The following ASXL1 variants were observed in gnomAD, a reference collection of about 807,000 sequenced individuals.
ASXL1 encodes the protein ASXL transcriptional regulator 1.
ASXL1 carries 65 observed loss-of-function variants against 89.1 expected under a neutral mutation model. The observed-to-expected ratio is 0.73, with a 90% CI of 0.60 to 0.90. The LOEUF (loss-of-function observed/expected upper bound fraction) is 0.90, where lower values mean the gene tolerates loss of function less well. ASXL1 is among the 40% of genes least tolerant of loss of function. The pLI, the probability that ASXL1 is intolerant of heterozygous loss-of-function variation, is 0.00. For synonymous variants in ASXL1, 739 were observed against 746.9 expected (o/e 0.99, Z 0.17); for missense variants, 1,786 against 1,942.9 (o/e 0.92, Z 1.52).
Position 32,435,187 on chromosome 20 carries a change from A to G in ASXL1, c.2475A>G (p.Lys825=), listed in dbSNP as rs768237627. Residue 825 remains lysine (K), a synonymous_variant, in exon 13 of 13, where the codon AAA becomes AAG. Coordinates refer to ENST00000375687, the MANE Select transcript of ASXL1 (RefSeq NM_015338.6). The part of the protein sequence containing the change: ...PSLVGDDTLE[K]GTGQALDSHP... ...TAGTGGGAGATGATACATTAGAGAAAGGAACTGGCCAAGCTCTTGACAGTC... is the reference window on the plus strand; with the variant it reads ...TAGTGGGAGATGATACATTAGAGAAGGGAACTGGCCAAGCTCTTGACAGTC... The G allele has an allele frequency of 1.4e-5, 23 of 1,613,828 alleles. No individual in the cohort carries two copies. Among genetic ancestry groups the G allele is most frequent in the African/African-American group, 1.1e-4 (8 of 74,926 alleles).
chr20:32,378,064 A>C (rs1327274149), intron 4 of ASXL1, among the ~76,000 whole-genome samples: 1 of 143,140 alleles, frequency 7.0e-6, no homozygotes, highest in East Asian at 2.1e-4. Flanking sequence ...ATCACAGCTC[A>C]CTGCAACCTT....
At chr20:32,411,299 C>G (rs1311152974) in intron 4 of ASXL1, among the ~76,000 whole-genome samples, 5 of 136,634 alleles carry the variant, frequency 3.7e-5, no homozygotes, top group African/African-American at 1.4e-4. Context: ...ACAATCTCGG[C>G]TCACTGCAAC....
chr20:32,377,293 AT>A (rs2048403347), intron 4 of ASXL1, among the ~76,000 whole-genome samples: 1 of 150,338 alleles, frequency 6.7e-6, no homozygotes, highest in African/African-American at 2.4e-5. Flanking sequence ...CCAGAATTAT[AT>A]TTTATCTACG....
Position 32,433,003 on chromosome 20 carries a change from A to G in ASXL1, c.1085+18A>G, listed in dbSNP as rs377152924. 3.1e-6 allele frequency: 5 copies of G among 1,613,134 alleles called. No individual in the cohort carries two copies. In the African/African-American group the frequency reaches 6.7e-5, roughly 22 times the overall value. ...GGACAGAAGTAAGGCAGTTGGAGCTATGAGTCCTGGTCTGGGGTTTTGAGG... is the reference window on the plus strand; with the variant it reads ...GGACAGAAGTAAGGCAGTTGGAGCTGTGAGTCCTGGTCTGGGGTTTTGAGG... On this transcript the variant is annotated intron_variant, in intron 11 of 12. Coordinates refer to ENST00000375687, the MANE Select transcript of ASXL1 (RefSeq NM_015338.6).
At chr20:32,363,334 C>G (rs2048153118) in intron 1 of ASXL1, among the ~76,000 whole-genome samples, 1 of 152,140 alleles carries the variant, frequency 6.6e-6, no homozygotes, top group Non-Finnish European at 1.5e-5. Context: ...TTATCTGTGG[C>G]AGTGAACATT....
At position 32,431,370 on chromosome 20, in the gene ASXL1, G is replaced by A. The variant is rs751296108; in HGVS notation, c.768G>A (p.Gly256=). ...AAGAAATAGATTTTGAGACACCTGG[G>A]TCCATTCTTGTCAACACCAACCTCC... The part of the protein sequence containing the change: ...RGEEIDFETP[G]SILVNTNLRA... Residue 256 remains glycine (G), a synonymous_variant, in exon 9 of 13, where the codon GGG becomes GGA. Transcript: ENST00000375687. 5 of 1,614,140 alleles carry A rather than the reference G, an allele frequency of 3.1e-6. No homozygotes were observed. The highest frequency in any genetic ancestry group is 4.2e-6 in the Non-Finnish European group (5 of 1,180,020).
intron 4 of ASXL1, among the ~76,000 whole-genome samples, chr20:32,391,959 G>T (rs2048679024): frequency 7.0e-6 from 1 of 143,534 alleles, no homozygotes. Flanking sequence ...TTTGTAGTTG[G>T]ACCTTGATTT....
rs541695573 is a variant in ASXL1 at position 32,432,804 on chromosome 20, T to G, written c.980-76T>G. ...TAGAAGAGACGTGTTGTTTTAAAAC[T>G]GGGAGATTCAGCTGTCCATAAGACA... On this transcript the variant is annotated intron_variant, in intron 10 of 12. Transcript: ENST00000375687. The G allele has an allele frequency of 9.6e-5, 149 of 1,547,152 alleles. 1 individual carries two copies. Among genetic ancestry groups the G allele is most frequent in the East Asian group, 2.1e-4 (9 of 42,938 alleles).
intron 4 of ASXL1, among the ~76,000 whole-genome samples, chr20:32,405,181 A>G (rs2048935125): frequency 6.6e-6 from 1 of 152,112 alleles, no homozygotes; most frequent in Non-Finnish European, 1.5e-5. Flanking sequence ...ACTGGAGTGC[A>G]GTGGTACTAT....
intron 4 of ASXL1, among the ~76,000 whole-genome samples, chr20:32,418,379 AC>A (rs2049174778): frequency 6.6e-6 from 1 of 152,102 alleles, no homozygotes. Flanking sequence ...GTCTCAAAAA[AC>A]AAAAACAAAA....
chr20:32,394,627 CTA>C (rs930727825), intron 4 of ASXL1, among the ~76,000 whole-genome samples: 2 of 152,166 alleles, frequency 1.3e-5, no homozygotes, highest in African/African-American at 2.4e-5. Flanking sequence ...AGACTTTGTG[CTA>C]TGTTTGTCAT....
At chr20:32,390,898 C>CT (rs1315295740) in intron 4 of ASXL1, among the ~76,000 whole-genome samples, 1 of 151,436 alleles carries the variant, frequency 6.6e-6, no homozygotes, top group Non-Finnish European at 1.5e-5. Flanking sequence ...TTTCTTTTTT[C>CT]TTTTTTTTCT....
At chr20:32,406,356 T>A (rs2048955038) in intron 4 of ASXL1, among the ~76,000 whole-genome samples, 1 of 151,758 alleles carries the variant, frequency 6.6e-6, no homozygotes, top group South Asian at 2.1e-4. Flanking sequence ...TAGATCAGCC[T>A]GGGCAACATG....
rs766299284 is a variant in ASXL1, at chr20:32,437,389, A to C, written c.*51A>C. 1.3e-6 allele frequency: 2 copies of C among 1,593,372 alleles called. No homozygotes were observed. The highest frequency in any genetic ancestry group is 1.1e-5 in the South Asian group (1 of 90,290). Reference sequence around the variant, plus strand: ...TATATTTAGTGTGTGTATTTTGATAATGATTGATCTTAAATCTGTATACAG... The same window carrying C: ...TATATTTAGTGTGTGTATTTTGATACTGATTGATCTTAAATCTGTATACAG... On this transcript the variant is annotated 3_prime_UTR_variant, in exon 13 of 13. Coordinates refer to ENST00000375687, the MANE Select transcript of ASXL1 (RefSeq NM_015338.6).
At chr20:32,366,949 T>C (rs938224222) in intron 2 of ASXL1, among the ~76,000 whole-genome samples, 7 of 152,176 alleles carry the variant, frequency 4.6e-5, no homozygotes, top group African/African-American at 1.7e-4. Flanking sequence ...AATTTTGAGG[T>C]GACCTTTATT....
At chr20:32,416,948 C>G (rs1040353005) in intron 4 of ASXL1, among the ~76,000 whole-genome samples, 4 of 152,122 alleles carry the variant, frequency 2.6e-5, no homozygotes, top group African/African-American at 9.7e-5. Flanking sequence ...TCTTCAAATT[C>G]CTGATACAGA....
intron 4 of ASXL1, among the ~76,000 whole-genome samples, chr20:32,421,866 C>CTTTTTTTTTT (rs71299232): frequency 1.9e-5 from 2 of 105,254 alleles, no homozygotes; most frequent in Non-Finnish European, 3.8e-5. Flanking sequence ...GGTTTCTTTT[C>CTTTTTTTTTT]TTTTTTTTTT....
intron 4 of ASXL1, among the ~76,000 whole-genome samples, chr20:32,382,400 CT>C (rs1569261382): frequency 6.6e-6 from 1 of 151,942 alleles, no homozygotes; most frequent in Non-Finnish European, 1.5e-5. Flanking sequence ...AAACTGAACC[CT>C]TAGGAACAGT....
chr20:32,434,931 C>G lies in ASXL1; in HGVS notation c.2219C>G (p.Thr740Arg). Reference protein sequence around the residue: ...CLLQRATVGLTDGLGDASQLP... With the variant: ...CLLQRATVGLRDGLGDASQLP... Reference sequence around the variant, plus strand: ...CTACAGAGGGCTACAGTTGGACTCACAGATGGGCTAGGAGATGCCTCCCAA... The same window carrying G: ...CTACAGAGGGCTACAGTTGGACTCAGAGATGGGCTAGGAGATGCCTCCCAA... The change falls in exon 13 of 13, where the codon ACA (threonine) becomes AGA (arginine). Residue 740 changes from threonine to arginine, a missense_variant. Around this residue, in one of 3 missense-constraint regions of ASXL1, gnomAD observed 1,418 missense variants for 1,427.8 expected, o/e 0.99. Coordinates refer to ENST00000375687, the MANE Select transcript of ASXL1 (RefSeq NM_015338.6). 1.9e-6 allele frequency: 3 copies of G among 1,614,186 alleles called. No homozygotes were observed. The highest frequency in any genetic ancestry group is 1.7e-6 in the Non-Finnish European group (2 of 1,180,024).
Sources: allele counts gnomAD v4.1 joint callset (sites outside exome capture counted in the v4.1 genomes callset), GRCh38; gene constraint gnomAD v4.1.1; regional missense constraint gnomAD v4.1.1; transcripts MANE v1.5; gene names NCBI Gene and HGNC (gene_info 2026-07-23, HGNC 2026-07-21).